DNAJA1: variants seen among roughly 807,000 people sequenced by gnomAD.
DNAJA1 encodes DnaJ heat shock protein family (Hsp40) member A1, also known as dnaJ homolog subfamily A member 1.
Under a neutral mutation model 47.6 loss-of-function variants are expected in DNAJA1, and 26 were observed. The observed-to-expected ratio is 0.55, with a 90% confidence interval of 0.40 to 0.76. DNAJA1 has a LOEUF of 0.76. Among genes scored for constraint, DNAJA1 ranks in the 30% least tolerant of loss-of-function variants. DNAJA1 has a pLI of 0.00. For synonymous variants in DNAJA1, 165 were observed against 158.4 expected, an observed-to-expected ratio of 1.04 and a Z score of -0.31; for missense variants, 315 against 485.0, an observed-to-expected ratio of 0.65 and a Z score of 3.29.
intron 7 of DNAJA1, 58 bp from the exon 8 acceptor site, chr9:33,036,957 C>G (rs1249751097): frequency 1.4e-6 from 2 of 1,464,794 alleles, no homozygotes; most frequent in East Asian, 4.5e-5. Flanking sequence ...TCTTTATATT[C>G]CCTGCCTCAT....
rs1394498307 is a variant in DNAJA1, at chr9:33,039,199, C to T, written c.*296C>T. 6 of 369,198 alleles carry T rather than the reference C, an allele frequency of 1.6e-5. No individual in the cohort carries two copies. Among genetic ancestry groups the T allele is most frequent in the Non-Finnish European group, 2.0e-5 (4 of 197,562 alleles). The allele number at this position is 369,198 out of a possible 1,614,324, so 22.9% of individuals were successfully genotyped here. A position where few individuals can be genotyped will look rare whatever the true frequency, so the allele number is the denominator to read the frequency against. On this transcript the variant is annotated 3_prime_UTR_variant, in exon 9 of 9. Coordinates refer to ENST00000330899, the MANE Select transcript of DNAJA1 (RefSeq NM_001539.4). ...GACTTCAGCTATGTACGTGGACAAG[C>T]TTAGACTGAAATGCTAGGTATATGT...
intron 2 of DNAJA1, 32 bp downstream of exon 2, chr9:33,026,648 A>G (rs1838863510): frequency 1.3e-6 from 2 of 1,586,686 alleles, no homozygotes; most frequent in Non-Finnish European, 1.7e-6. Flanking sequence ...ACGTATCTGA[A>G]TAGTTCTTTG....
chr9:33,034,145 T>G (rs1427000703), intron 5 of DNAJA1, 71 bp from the exon 6 acceptor site: 1 of 1,056,024 alleles, frequency 9.5e-7, no homozygotes, highest in Non-Finnish European at 1.4e-6. Context: ...CAAACATCTA[T>G]GTATAGATTT....
intron 3 of DNAJA1, among the ~76,000 whole-genome samples, 163 bp downstream of exon 3, chr9:33,027,153 G>GTTT (rs60033892): frequency 5.6e-4 from 78 of 140,260 alleles, no homozygotes; most frequent in East Asian, 2.3e-3. Flanking sequence ...TTTTGTTGTG[G>GTTT]TTTTTTTTTT....
intron 5 of DNAJA1, among the ~76,000 whole-genome samples, chr9:33,031,441 T>G (rs1838960213): frequency 6.6e-6 from 1 of 152,084 alleles, no homozygotes; most frequent in Admixed American, 6.6e-5. Flanking sequence ...TGTTTGTTTG[T>G]TTTTTTCTGA....
chr9:33,026,537 C>A lies in DNAJA1; in HGVS notation c.53C>A (p.Thr18Asn). The change falls in exon 2 of 9, where the codon ACT (threonine) becomes AAT (asparagine). Residue 18 changes from threonine (T) to asparagine (N), a missense_variant. Coordinates refer to ENST00000330899, the MANE Select transcript of DNAJA1 (RefSeq NM_001539.4). ...GTTTTGGGGGTCAAACCCAATGCTA[C>A]TCAGGAAGAATTGAAAAAGGCTTAT... ...YDVLGVKPNATQEELKKAYRK... is the reference protein window; with the variant it reads ...YDVLGVKPNANQEELKKAYRK... 5.0e-6 allele frequency: 8 copies of A among 1,611,874 alleles called. No homozygotes were observed. Among genetic ancestry groups the A allele is most frequent in the African/African-American group, 1.3e-5 (1 of 74,750 alleles).
rs1235066115 is a variant in DNAJA1, at chr9:33,026,565, G to A, written c.81G>A (p.Arg27=). The change falls in exon 2 of 9, where the codon AGG becomes AGA. Residue 27 remains arginine (R), a synonymous_variant. Coordinates refer to ENST00000330899, the MANE Select transcript of DNAJA1 (RefSeq NM_001539.4). ...AGGAAGAATTGAAAAAGGCTTATAG[G>A]AAACTGGCTTTGAAGTACCATCCTG... ...ATQEELKKAY[R]KLALKYHPDK... The A allele has an allele frequency of 1.9e-6, 3 of 1,612,006 alleles. No homozygotes were observed. The highest frequency in any genetic ancestry group is 1.1e-5 in the South Asian group (1 of 90,452).
intron 1 of DNAJA1, among the ~76,000 whole-genome samples, chr9:33,025,818 C>T (rs984550441): frequency 2.6e-5 from 4 of 152,150 alleles, no homozygotes; most frequent in African/African-American, 9.7e-5. Flanking sequence ...GTTTCCCCTC[C>T]CTTTGTTTGT....
At chr9:33,030,128 G>T in intron 4 of DNAJA1, 139 bp downstream of exon 4, 1 of 818,676 alleles carries the variant, frequency 1.2e-6, no homozygotes, top group South Asian at 2.0e-5. Flanking sequence ...GGAGAGGGCA[G>T]ATATGAAGAA....
At chr9:33,036,733 T>A in intron 7 of DNAJA1, 44 bp downstream of exon 7, 2 of 1,428,926 alleles carry the variant, frequency 1.4e-6, no homozygotes, top group Non-Finnish European at 9.8e-7. Flanking sequence ...TCTATTCTAG[T>A]ATTTTCCTTG....
At chr9:33,036,265 G>GT (rs57543856) in intron 6 of DNAJA1, 38,098 of 158,956 alleles carry the variant, frequency 0.24, 4,737 homozygotes, top group Middle Eastern at 0.29. Context: ...CTTGTGAGTT[G>GT]TTTTTTTTTT....
chr9:33,037,923 T>A (rs1839060859), intron 8 of DNAJA1, among the ~76,000 whole-genome samples: 2 of 152,190 alleles, frequency 1.3e-5, no homozygotes, highest in Non-Finnish European at 2.9e-5. Context: ...GCTTGATTTG[T>A]TAATAGGTAT....
At chr9:33,026,764 T>G in intron 2 of DNAJA1, 49 bp from the exon 3 acceptor site, 2 of 1,599,970 alleles carry the variant, frequency 1.3e-6, no homozygotes, top group Non-Finnish European at 1.7e-6. Context: ...TGTAGCTAGG[T>G]AACACTTGTT....
At chr9:33,032,724 T>C (rs1485189240) in intron 5 of DNAJA1, among the ~76,000 whole-genome samples, 1 of 152,142 alleles carries the variant, frequency 6.6e-6, no homozygotes, top group Non-Finnish European at 1.5e-5. Flanking sequence ...TAAAGACAGA[T>C]TGTTTAATTT....
intron 5 of DNAJA1, among the ~76,000 whole-genome samples, chr9:33,033,754 T>G (rs1838996446): frequency 6.6e-6 from 1 of 152,238 alleles, no homozygotes; most frequent in Non-Finnish European, 1.5e-5. Flanking sequence ...AGAAGGGTCT[T>G]GATTTACATT....
At position 33,037,026 on chromosome 9, in the gene DNAJA1, A is replaced by G; in HGVS notation, c.886A>G (p.Lys296Glu). 1 of 1,606,446 alleles carries G rather than the reference A, an allele frequency of 6.2e-7. No individual in the cohort carries two copies. Among genetic ancestry groups the G allele is most frequent in the Non-Finnish European group, 8.5e-7 (1 of 1,178,064 alleles). ...TTCAATGTTTTTAGGTCAGATTGTC[A>G]AGCATGGAGATATCAAGTGTGTACT... Reference protein sequence around the residue: ...VITSHPGQIVKHGDIKCVLNE... With the variant: ...VITSHPGQIVEHGDIKCVLNE... The change falls in exon 8 of 9, where the codon AAG (lysine) becomes GAG (glutamate). Residue 296 changes from lysine (K) to glutamate (E), a missense_variant. Transcript: ENST00000330899.
chr9:33,026,373 T>G, intron 1 of DNAJA1, 102 bp from the exon 2 acceptor site: 1 of 1,292,682 alleles, frequency 7.7e-7, no homozygotes, highest in Non-Finnish European at 1.1e-6. Context: ...AAGGTGGTGT[T>G]CTTATAATCG....
intron 5 of DNAJA1, among the ~76,000 whole-genome samples, chr9:33,032,926 T>A (rs1838982291): frequency 6.6e-6 from 1 of 152,164 alleles, no homozygotes; most frequent in Non-Finnish European, 1.5e-5. Flanking sequence ...TATGTAGGAA[T>A]TCATTGTACT....
At chr9:33,027,246 C>G (rs1467290176) in intron 3 of DNAJA1, among the ~76,000 whole-genome samples, 1 of 151,552 alleles carries the variant, frequency 6.6e-6, no homozygotes. Context: ...ACCTCCACCT[C>G]CCGGGTTCAA....
Sources: allele counts gnomAD v4.1 joint callset (sites outside exome capture counted in the v4.1 genomes callset), GRCh38; gene constraint gnomAD v4.1.1; transcripts MANE v1.5; gene names NCBI Gene and HGNC (gene_info 2026-07-23, HGNC 2026-07-21).